PRAG1: variants seen among roughly 807,000 people sequenced by gnomAD.
PRAG1 encodes inactive tyrosine-protein kinase PRAG1.
A neutral mutation model predicts 95.6 loss-of-function variants in PRAG1; 110 were observed. That is an observed-to-expected ratio of 1.15 (90% CI 0.99 to 1.35). The LOEUF (loss-of-function observed/expected upper bound fraction) is 1.35, where lower values mean the gene tolerates loss of function less well. Among genes scored for constraint, PRAG1 ranks in the 40% most tolerant of loss-of-function variants. The probability of loss-of-function intolerance (pLI) is 0.00; values close to 1 mark genes in which losing one functional copy is unlikely to be tolerated. For synonymous variants in PRAG1, 1,052 were observed against 819.4 expected (o/e 1.28, Z -4.85); for missense variants, 2,554 against 1,864.7 (o/e 1.37, Z -6.81).
intron 3 of PRAG1, among the ~76,000 whole-genome samples, chr8:8,373,878 C>T (rs886394290): frequency 6.6e-6 from 1 of 152,110 alleles, no homozygotes; most frequent in African/African-American, 2.4e-5. Flanking sequence ...ACAAACTGGG[C>T]CGAAAAAACT....
rs376138322 is a variant in PRAG1, at chr8:8,339,098, AAG to A, written c.2320+378_2320+379del. Among the ~76,000 whole-genome samples the A allele has an allele frequency of 9.2e-3, 1,360 of 148,190 alleles. 14 individuals are homozygous for A. The highest frequency in any genetic ancestry group is 0.029 in the African/African-American group (1,177 of 40,802). On this transcript the variant is annotated intron_variant, in intron 4 of 5. Transcript: ENST00000615670. Reference sequence around the variant, plus strand: ...TGGGTACATGCACATGTAGATGCAAAAGAGAGAGAGAGAGAGAGAGAGAAAGA... The same window carrying A: ...TGGGTACATGCACATGTAGATGCAAAAGAGAGAGAGAGAGAGAGAGAAAGA...
chr8:8,319,937 T>G (rs1397400093), intron 5 of PRAG1, among the ~76,000 whole-genome samples: 4 of 152,190 alleles, frequency 2.6e-5, no homozygotes, highest in Non-Finnish European at 5.9e-5. Context: ...AAAAGACAAT[T>G]CCAAGTGTCT....
At position 8,318,626 on chromosome 8, in the gene PRAG1, C is replaced by A. The variant is rs765534781; in HGVS notation, c.3749G>T (p.Arg1250Leu). 3.1e-6 allele frequency: 5 copies of A among 1,612,348 alleles called. No individual in the cohort carries two copies. The Admixed American group carries it at 6.7e-5, about 22-fold the overall frequency. Residue 1250 changes from arginine (R) to leucine (L), a missense_variant, in exon 6 of 6, where the codon CGC becomes CTC. Arg to Leu is a moderately radical substitution (Grantham distance 102). Transcript: ENST00000615670. The surrounding 1 kb of genome is among the most constrained non-coding windows in gnomAD (Gnocchi z 4.2). ...APEIVSASQYRKFDEFQTGIL... is the reference protein window; with the variant it reads ...APEIVSASQYLKFDEFQTGIL... Reference sequence around the variant, plus strand: ...GCCTGTCTGGAACTCATCGAACTTGCGGTACTGGGAAGCAGACACGATCTC... The same window carrying A: ...GCCTGTCTGGAACTCATCGAACTTGAGGTACTGGGAAGCAGACACGATCTC...
At chr8:8,336,946 C>T (rs968243285) in intron 4 of PRAG1, among the ~76,000 whole-genome samples, 2 of 130,764 alleles carry the variant, frequency 1.5e-5, no homozygotes, top group Non-Finnish European at 3.1e-5. Flanking sequence ...GCATGAATCA[C>T]TAACTTTAGC....
At chr8:8,380,799 G>A (rs1230713670) in intron 2 of PRAG1, among the ~76,000 whole-genome samples, 2 of 142,076 alleles carry the variant, frequency 1.4e-5, no homozygotes, top group Admixed American at 1.5e-4. Context: ...ATTGCAGTGA[G>A]CTGAGATCGC....
chr8:8,356,540 G>C (rs1385006319), intron 3 of PRAG1, among the ~76,000 whole-genome samples: 1 of 151,982 alleles, frequency 6.6e-6, no homozygotes, highest in Non-Finnish European at 1.5e-5. Flanking sequence ...TAGAGATGAG[G>C]TTTCATTATG....
chr8:8,352,262 G>C (rs1193720571), intron 3 of PRAG1, among the ~76,000 whole-genome samples: 1 of 152,114 alleles, frequency 6.6e-6, no homozygotes, highest in Admixed American at 6.5e-5. Flanking sequence ...CACACTCCCT[G>C]ATCAATTCTT....
intron 4 of PRAG1, among the ~76,000 whole-genome samples, chr8:8,336,470 C>A (rs915090189): frequency 6.6e-6 from 1 of 152,184 alleles, no homozygotes; most frequent in Admixed American, 6.5e-5. Flanking sequence ...ACTGCTTCGA[C>A]AAATTTTCCT....
intron 3 of PRAG1, among the ~76,000 whole-genome samples, chr8:8,365,562 T>TGTG (rs1391237197): frequency 1.3e-5 from 2 of 151,854 alleles, no homozygotes; most frequent in African/African-American, 4.8e-5. Flanking sequence ...AGTTGGAGGT[T>TGTG]GTGGTGAGCT....
chr8:8,326,265 ATTAC>A (rs948717650), intron 5 of PRAG1, among the ~76,000 whole-genome samples: 3 of 148,692 alleles, frequency 2.0e-5, no homozygotes, highest in Non-Finnish European at 4.5e-5. Flanking sequence ...TAATAATAAT[ATTAC>A]TTAAATATTG....
At chr8:8,382,825 G>A (rs1199636703) in intron 1 of PRAG1, among the ~76,000 whole-genome samples, 1 of 152,088 alleles carries the variant, frequency 6.6e-6, no homozygotes. Flanking sequence ...GGGAAACTAT[G>A]GCAAACACAA....
chr8:8,318,939 G>A lies in PRAG1; in HGVS notation c.3436C>T (p.Leu1146=). 6.2e-7 allele frequency: 1 copy of A among 1,612,472 alleles called. No individual in the cohort carries two copies. Among genetic ancestry groups the A allele is most frequent in the Non-Finnish European group, 8.5e-7 (1 of 1,179,526 alleles). ...ACCAGCAGCAGGTTCTCCAGGCACA[G>A]GTCCCGGTGGATGATCCCGTGCTCC... ...LKEHGIIHRD[L]CLENLLLVHC... The change falls in exon 6 of 6, where the codon CTG becomes TTG. Residue 1146 remains leucine (L), a synonymous_variant. Coordinates refer to ENST00000615670, the MANE Select transcript of PRAG1 (RefSeq NM_001080826.3). The surrounding 1 kb of genome is among the most constrained non-coding windows in gnomAD (Gnocchi z 4.2).
In PRAG1 at chr8:8,318,615, C is replaced by T; in HGVS notation, c.3760G>A (p.Glu1254Lys). The T allele has an allele frequency of 6.2e-7, 1 of 1,613,152 alleles. No individual in the cohort carries two copies. The highest frequency in any genetic ancestry group is 8.5e-7 in the Non-Finnish European group (1 of 1,179,878). ...TAGATGAGGATGCCTGTCTGGAACT[C>T]ATCGAACTTGCGGTACTGGGAAGCA... Reference protein sequence around the residue: ...VSASQYRKFDEFQTGILIYEL... With the variant: ...VSASQYRKFDKFQTGILIYEL... Residue 1254 changes from glutamate to lysine, a missense_variant, in exon 6 of 6, where the codon GAG becomes AAG. Physicochemically the swap from Glu to Lys is moderately conservative, Grantham distance 56. Transcript: ENST00000615670. The surrounding 1 kb of genome is among the most constrained non-coding windows in gnomAD (Gnocchi z 4.2).
rs763104094 is a variant in PRAG1, at chr8:8,328,404, G to A, written c.2378C>T (p.Pro793Leu). 7.4e-6 allele frequency: 12 copies of A among 1,613,660 alleles called. No homozygotes were observed. The African/African-American group carries it at 1.6e-4, about 22-fold the overall frequency. The change falls in exon 5 of 6, where the codon CCC becomes CTC. Residue 793 changes from proline (P) to leucine (L), a missense_variant. Pro to Leu is a moderately conservative substitution (Grantham distance 98). Coordinates refer to ENST00000615670, the MANE Select transcript of PRAG1 (RefSeq NM_001080826.3). ...PTNSGKKLFA[P>L]VPFPSGSTED... ...AGTGGAGCCTGAAGGAAACGGAACGGGAGCAAAGAGCTTCTTCCCGCTGTT... is the reference window on the plus strand; with the variant it reads ...AGTGGAGCCTGAAGGAAACGGAACGAGAGCAAAGAGCTTCTTCCCGCTGTT...
chr8:8,370,896 C>G (rs1800173215), intron 3 of PRAG1, among the ~76,000 whole-genome samples: 1 of 152,092 alleles, frequency 6.6e-6, no homozygotes, highest in Non-Finnish European at 1.5e-5. Flanking sequence ...CACCTGTAAT[C>G]CCAACACTTT....
At chr8:8,345,010 G>T (rs547834189) in intron 3 of PRAG1, among the ~76,000 whole-genome samples, 1 of 151,066 alleles carries the variant, frequency 6.6e-6, no homozygotes, top group South Asian at 2.1e-4. Context: ...GACAAAATTA[G>T]TCTATCCCTG....
In PRAG1 at chr8:8,319,158, C is replaced by A. The variant is rs754528659; in HGVS notation, c.3217G>T (p.Val1073Leu). The stretch of plus-strand genomic sequence containing the variant: ...GGGGGGTGTGTGGGCAGGGCAGGCA[C>A]AGGGTCCTTGGGCGCGTCGGGGGAG... ...LSSPDAPKDPVPALPTHPPAQ... is the reference protein window; with the variant it reads ...LSSPDAPKDPLPALPTHPPAQ... Residue 1073 changes from valine to leucine, a missense_variant, in exon 6 of 6, where the codon GTG becomes TTG. Transcript: ENST00000615670. 5 of 1,605,528 alleles carry A rather than the reference C, an allele frequency of 3.1e-6. No individual in the cohort carries two copies. The Admixed American group carries it at 8.4e-5, about 27-fold the overall frequency.
chr8:8,340,618 C>G (rs553901928), intron 3 of PRAG1, among the ~76,000 whole-genome samples: 8 of 152,360 alleles, frequency 5.3e-5, no homozygotes, highest in Admixed American at 5.2e-4. Context: ...TCAGAACTGC[C>G]TTATTTAATG....
intron 3 of PRAG1, among the ~76,000 whole-genome samples, chr8:8,344,644 T>G (rs928468055): frequency 3.3e-5 from 5 of 152,186 alleles, no homozygotes; most frequent in African/African-American, 2.4e-5. Flanking sequence ...TCAGTTAAAT[T>G]ATTATCTGAA....
Sources: gnomAD v4.1 joint callset for allele counts (sites outside exome capture counted in the v4.1 genomes callset) on GRCh38, gnomAD v4.1.1 for gene constraint, Gnocchi (gnomAD v3.1) non-coding constraint, MANE v1.5 for transcripts, NCBI Gene and HGNC (gene_info 2026-07-23, HGNC 2026-07-21) for gene names.